The following ITGAV variants were observed in gnomAD, a reference collection of about 807,000 sequenced individuals.
The protein encoded by ITGAV is integrin alpha-V.
Under a neutral mutation model 143.8 loss-of-function variants are expected in ITGAV, and 76 were observed. The observed-to-expected ratio is 0.53, with a 90% CI of 0.44 to 0.64. The LOEUF (loss-of-function observed/expected upper bound fraction) is 0.64, where lower values mean the gene tolerates loss of function less well. Ranked by LOEUF, ITGAV falls within the 30% of genes least tolerant of loss-of-function variation. ITGAV has a pLI of 0.00. For synonymous variants in ITGAV, 453 were observed against 446.7 expected (o/e 1.01, Z -0.18); for missense variants, 1,193 against 1,274.7 (o/e 0.94, Z 0.98).
intron 18 of ITGAV, among the ~76,000 whole-genome samples, chr2:186,663,164 T>C (rs1688794477): frequency 6.6e-6 from 1 of 152,154 alleles, no homozygotes; most frequent in African/African-American, 2.4e-5. Flanking sequence ...CCTACCCTGA[T>C]TGGTTAACTA....
At chr2:186,597,930 A>G (rs1686789567) in intron 1 of ITGAV, among the ~76,000 whole-genome samples, 1 of 152,194 alleles carries the variant, frequency 6.6e-6, no homozygotes, top group Admixed American at 6.5e-5. Context: ...GTTGGGGACC[A>G]CTGCTGTGAG....
chr2:186,649,854 G>T lies in ITGAV; in HGVS notation c.1366G>T (p.Ala456Ser). The change falls in exon 14 of 30, where the codon GCT (alanine) becomes TCT (serine). Residue 456 changes from alanine (A) to serine (S), a missense_variant. Physicochemically the swap from Ala to Ser is moderately conservative, Grantham distance 99. Transcript: ENST00000261023. Reference sequence around the variant, plus strand: ...TCTTTCTTAAGACTTAATTGTAGGAGCTTTTGGTGTAGATCGAGCTATCTT... The same window carrying T: ...TCTTTCTTAAGACTTAATTGTAGGATCTTTTGGTGTAGATCGAGCTATCTT... ...KNGYPDLIVGAFGVDRAILYR... is the reference protein window; with the variant it reads ...KNGYPDLIVGSFGVDRAILYR... The T allele has an allele frequency of 1.3e-6, 2 of 1,594,804 alleles. No homozygotes were observed. Among genetic ancestry groups the T allele is most frequent in the South Asian group, 1.1e-5 (1 of 88,022 alleles).
At chr2:186,596,327 G>C (rs1686747729) in intron 1 of ITGAV, among the ~76,000 whole-genome samples, 1 of 151,952 alleles carries the variant, frequency 6.6e-6, no homozygotes, top group Non-Finnish European at 1.5e-5. Context: ...TTTTTTTCTG[G>C]TCTGTCAGTT....
intron 3 of ITGAV, among the ~76,000 whole-genome samples, chr2:186,623,130 C>T (rs1687581255): frequency 6.6e-6 from 1 of 152,184 alleles, no homozygotes; most frequent in African/African-American, 2.4e-5. Flanking sequence ...GTCCATTCCT[C>T]TGCTCCTCTT....
chr2:186,596,015 G>A (rs1038762763), intron 1 of ITGAV, among the ~76,000 whole-genome samples: 1 of 152,096 alleles, frequency 6.6e-6, no homozygotes, highest in African/African-American at 2.4e-5. Flanking sequence ...CAGAATTTAA[G>A]TTTTACATTT....
intron 2 of ITGAV, among the ~76,000 whole-genome samples, chr2:186,618,540 C>T (rs1205152331): frequency 1.3e-5 from 2 of 152,210 alleles, no homozygotes; most frequent in African/African-American, 4.8e-5. Context: ...AACATGGTAG[C>T]TTTGCAAGCC....
intron 2 of ITGAV, among the ~76,000 whole-genome samples, chr2:186,612,914 A>C (rs927715285): frequency 3.9e-5 from 6 of 152,186 alleles, no homozygotes; most frequent in Admixed American, 2.0e-4. Flanking sequence ...GTTTCTCCTG[A>C]TATAATCTGT....
intron 26 of ITGAV, among the ~76,000 whole-genome samples, chr2:186,674,676 T>A (rs1689159793): frequency 6.6e-6 from 1 of 152,012 alleles, no homozygotes. Flanking sequence ...CACGCCTGGC[T>A]AATTTTTGTA....
At chr2:186,617,733 G>A (rs990731318) in intron 2 of ITGAV, among the ~76,000 whole-genome samples, 2 of 151,950 alleles carry the variant, frequency 1.3e-5, no homozygotes, top group Non-Finnish European at 2.9e-5. Flanking sequence ...ACTTTATTTC[G>A]ATAATTAAAT....
At chr2:186,628,016 G>C (rs965597757) in intron 4 of ITGAV, among the ~76,000 whole-genome samples, 1 of 152,096 alleles carries the variant, frequency 6.6e-6, no homozygotes. Flanking sequence ...CTCAGGAGCG[G>C]AAGTCTGAGA....
chr2:186,631,662 G>A (rs1687817018), intron 5 of ITGAV, among the ~76,000 whole-genome samples: 1 of 152,130 alleles, frequency 6.6e-6, no homozygotes, highest in Admixed American at 6.6e-5. Flanking sequence ...GCAAAGAGGA[G>A]TGCCTTAAAT....
intron 15 of ITGAV, among the ~76,000 whole-genome samples, chr2:186,652,429 C>T (rs1688461651): frequency 1.3e-5 from 2 of 152,204 alleles, no homozygotes; most frequent in South Asian, 4.1e-4. Context: ...TGTGCTCAAG[C>T]AGTCATCCTG....
intron 2 of ITGAV, among the ~76,000 whole-genome samples, chr2:186,604,891 A>C (rs1687013736): frequency 6.6e-6 from 1 of 152,180 alleles, no homozygotes; most frequent in African/African-American, 2.4e-5. Context: ...TGTGTTTGAC[A>C]TTGAATCTGT....
Position 186,666,801 on chromosome 2 carries a change from A to G in ITGAV, c.2246+18A>G. The G allele has an allele frequency of 7.6e-7, 1 of 1,318,266 alleles. No individual in the cohort carries two copies. Among genetic ancestry groups the G allele is most frequent in the Non-Finnish European group, 1.1e-6 (1 of 938,430 alleles). 81.7% of individuals were successfully genotyped at this position (1,318,266 alleles called of 1,614,324 possible). A position where few individuals can be genotyped will look rare whatever the true frequency, so the allele number is the denominator to read the frequency against. ...ATCCAAAGGTATGAAAACAACTTAT[A>G]TTCACTTATAACTATCAAATAAATA... On this transcript the variant is annotated intron_variant, in intron 22 of 29. Coordinates refer to ENST00000261023, the MANE Select transcript of ITGAV (RefSeq NM_002210.5).
rs749718682 is a variant in ITGAV at position 186,656,293 on chromosome 2, A to C, written c.1611A>C (p.Ala537=). The C allele has an allele frequency of 1.3e-6, 2 of 1,587,564 alleles. No homozygotes were observed. The highest frequency in any genetic ancestry group is 1.2e-5 in the South Asian group (1 of 85,998). ...LLLDKLKQKG[A]IRRALFLYSR... ...TGGATAAACTCAAGCAAAAGGGAGC[A>C]ATTCGACGAGCACTGTTTCTCTACA... The change falls in exon 17 of 30, where the codon GCA becomes GCC. Residue 537 remains alanine (A), a synonymous_variant. Transcript: ENST00000261023.
At chr2:186,660,855 G>A (rs1574497128) in intron 18 of ITGAV, among the ~76,000 whole-genome samples, 1 of 152,158 alleles carries the variant, frequency 6.6e-6, no homozygotes, top group African/African-American at 2.4e-5. Context: ...TTCTTGGCTT[G>A]TAGACAGTCA....
At chr2:186,625,678 T>TGTGTGA (rs5836988) in intron 4 of ITGAV, 91 bp downstream of exon 4, 11,712 of 445,166 alleles carry the variant, frequency 0.026, 63 homozygotes, top group African/African-American at 0.044. Flanking sequence ...TGTGTGTGTG[T>TGTGTGA]GAGAGAGAGA....
rs557847473 is a variant in ITGAV at position 186,594,191 on chromosome 2, C to T, written c.185+3668C>T. Among the ~76,000 whole-genome samples, 8 of 152,266 alleles carry T rather than the reference C, an allele frequency of 5.3e-5. No homozygotes were observed. In the East Asian group the frequency reaches 1.5e-3, roughly 29 times the overall value. On this transcript the variant is annotated intron_variant, in intron 1 of 29. Coordinates refer to ENST00000261023, the MANE Select transcript of ITGAV (RefSeq NM_002210.5). ...ATCTCTGACTTGATATTCCAGTGGC[C>T]TGGCCTGTGAATCATTTCTCGTTGA...
At chr2:186,590,564 C>T (rs775455265) in intron 1 of ITGAV, 41 bp downstream of exon 1, 2 of 1,550,384 alleles carry the variant, frequency 1.3e-6, no homozygotes, top group East Asian at 2.4e-5. Flanking sequence ...CCCCCTCCCC[C>T]ACCGCGCGCA....
Sources: gnomAD v4.1 joint callset for allele counts (sites outside exome capture counted in the v4.1 genomes callset) on GRCh38, gnomAD v4.1.1 for gene constraint, MANE v1.5 for transcripts, NCBI Gene and HGNC (gene_info 2026-07-23, HGNC 2026-07-21) for gene names.